Variants in GALNT13 observed in about 807,000 individuals in gnomAD.
GALNT13 encodes the protein polypeptide N-acetylgalactosaminyltransferase 13.
GALNT13 carries 28 observed loss-of-function variants against 64.2 expected under a neutral mutation model. The observed-to-expected ratio is 0.44, with a 90% CI of 0.32 to 0.60. The LOEUF is 0.60. Among genes scored for constraint, GALNT13 ranks in the 20% least tolerant of loss-of-function variants. The pLI is 0.05. For missense variants in GALNT13, 577 were observed against 669.8 expected, an observed-to-expected ratio of 0.86 and a Z score of 1.53; for synonymous variants, 214 against 224.6, an observed-to-expected ratio of 0.95 and a Z score of 0.42.
At chr2:154,277,576 T>C (rs1188156698) in intron 8 of GALNT13, among the ~76,000 whole-genome samples, 1 of 152,108 alleles carries the variant, frequency 6.6e-6, no homozygotes, top group Non-Finnish European at 1.5e-5. Flanking sequence ...GACCGAACAA[T>C]TTCTGCAATA....
At chr2:153,181,124 T>A in the GALNT13 span, among the ~76,000 whole-genome samples, 1 of 149,906 alleles carries the variant, frequency 6.7e-6, no homozygotes, top group Non-Finnish European at 1.5e-5. Context: ...TACTTTTTCC[T>A]CTTTTGATGT....
the GALNT13 span, among the ~76,000 whole-genome samples, chr2:153,544,930 C>T: frequency 6.6e-6 from 1 of 152,152 alleles, no homozygotes; most frequent in Middle Eastern, 3.2e-3. Flanking sequence ...GGGATATCCT[C>T]TTCCAACAGC....
chr2:153,160,024 T>C, the GALNT13 span, among the ~76,000 whole-genome samples: 283 of 152,334 alleles, frequency 1.9e-3, 4 homozygotes, highest in African/African-American at 6.7e-3. Context: ...ATAGTTTAAA[T>C]TTGTAATGAA....
chr2:153,898,838 C>T (rs1472748234), intron 1 of GALNT13, among the ~76,000 whole-genome samples: 1 of 133,426 alleles, frequency 7.5e-6, no homozygotes, highest in Non-Finnish European at 1.6e-5. Context: ...AAGGTAAATT[C>T]TTCCTCCAGT....
the GALNT13 span, among the ~76,000 whole-genome samples, chr2:153,714,713 C>A: frequency 3.3e-5 from 5 of 152,122 alleles, no homozygotes; most frequent in African/African-American, 1.2e-4. Context: ...TGAAGCAAGG[C>A]AAAATGGAAA....
the GALNT13 span, among the ~76,000 whole-genome samples, chr2:153,657,243 C>T: frequency 1.4e-4 from 22 of 151,788 alleles, no homozygotes; most frequent in South Asian, 2.1e-3. Flanking sequence ...GAATGGGGGA[C>T]GTTATTTACA....
chr2:154,119,426 G>C (rs752942813), intron 3 of GALNT13, among the ~76,000 whole-genome samples: 1 of 152,066 alleles, frequency 6.6e-6, no homozygotes, highest in Non-Finnish European at 1.5e-5. Flanking sequence ...GGTTGAATTT[G>C]ACTGAGCTCT....
the GALNT13 span, among the ~76,000 whole-genome samples, chr2:153,680,035 TA>T: frequency 6.6e-6 from 1 of 152,096 alleles, no homozygotes; most frequent in South Asian, 2.1e-4. Context: ...TTGTTTCATA[TA>T]TTTGTCACTT....
intron 3 of GALNT13, among the ~76,000 whole-genome samples, chr2:154,138,506 A>C (rs1160634546): frequency 2.6e-5 from 4 of 151,850 alleles, no homozygotes; most frequent in Non-Finnish European, 4.4e-5. Context: ...TAAGAATCAG[A>C]ATATTTTTTA....
intron 3 of GALNT13, among the ~76,000 whole-genome samples, chr2:153,975,679 C>A (rs1410415901): frequency 6.6e-6 from 1 of 151,896 alleles, no homozygotes; most frequent in African/African-American, 2.4e-5. Flanking sequence ...TTAAATGATT[C>A]AATAGAGAGT....
At chr2:154,198,043 T>C (rs1362512333) in intron 4 of GALNT13, among the ~76,000 whole-genome samples, 2 of 152,060 alleles carry the variant, frequency 1.3e-5, no homozygotes, top group Non-Finnish European at 2.9e-5. Flanking sequence ...TCAATAGATA[T>C]TCCCAGACAT....
chr2:153,817,457 T>C, the GALNT13 span, among the ~76,000 whole-genome samples: 133,213 of 152,212 alleles, frequency 0.88, 59,098 homozygotes, highest in Non-Finnish European at 0.92. Flanking sequence ...TCCCAGGTGA[T>C]GTCTTATCAC....
chr2:153,809,461 A>G, the GALNT13 span, among the ~76,000 whole-genome samples: 1 of 152,202 alleles, frequency 6.6e-6, no homozygotes. Flanking sequence ...TAATACATCA[A>G]AACATAGATA....
intron 4 of GALNT13, among the ~76,000 whole-genome samples, chr2:154,157,187 A>C (rs1002604750): frequency 5.3e-5 from 8 of 152,112 alleles, no homozygotes; most frequent in South Asian, 4.1e-4. Context: ...AGATGCAAAG[A>C]AAACTCCCCC....
chr2:154,073,194 G>A (rs1489959468), intron 3 of GALNT13, among the ~76,000 whole-genome samples: 4 of 151,284 alleles, frequency 2.6e-5, no homozygotes, highest in African/African-American at 9.7e-5. Context: ...ATCCTCATGT[G>A]TGATGAATGT....
chr2:153,829,231 G>A, the GALNT13 span, among the ~76,000 whole-genome samples: 1 of 151,964 alleles, frequency 6.6e-6, no homozygotes. Flanking sequence ...CTTTTCAGCA[G>A]CACCCCACTC....
At chr2:153,100,636 C>T in the GALNT13 span, among the ~76,000 whole-genome samples, 1 of 152,076 alleles carries the variant, frequency 6.6e-6, no homozygotes, top group Non-Finnish European at 1.5e-5. Context: ...TCTGTTTGAC[C>T]TTAAATATTT....
At chr2:153,857,726 G>A in the GALNT13 span, among the ~76,000 whole-genome samples, 2 of 152,164 alleles carry the variant, frequency 1.3e-5, no homozygotes, top group Non-Finnish European at 2.9e-5. Flanking sequence ...GAAACTTGGT[G>A]ATTAAAGGAT....
chr2:153,304,261 T>A, the GALNT13 span, among the ~76,000 whole-genome samples: 1 of 151,796 alleles, frequency 6.6e-6, no homozygotes, highest in Non-Finnish European at 1.5e-5. Flanking sequence ...TAAGTCAGCT[T>A]CACATGAGGG....
Sources: allele counts gnomAD v4.1 joint callset (sites outside exome capture counted in the v4.1 genomes callset), GRCh38; gene constraint gnomAD v4.1.1; transcripts MANE v1.5; gene names NCBI Gene and HGNC (gene_info 2026-07-23, HGNC 2026-07-21).